The following PARD6G variants were observed in gnomAD, a reference collection of about 807,000 sequenced individuals.
PARD6G encodes partitioning defective 6 homolog gamma.
In PARD6G, 7 loss-of-function variants were observed where a neutral mutation model predicts 10.7. That is an observed-to-expected ratio of 0.66 (90% confidence interval 0.37 to 1.23). The LOEUF (loss-of-function observed/expected upper bound fraction) is 1.23, where lower values mean the gene tolerates loss of function less well. Among genes scored for constraint, PARD6G ranks in the 50% most tolerant of loss-of-function variants. The pLI, the probability that PARD6G is intolerant of heterozygous loss-of-function variation, is 0.02. For synonymous variants in PARD6G, 287 were observed against 269.4 expected, an observed-to-expected ratio of 1.07 and a Z score of -0.64; for missense variants, 548 against 571.8, an observed-to-expected ratio of 0.96 and a Z score of 0.42.
chr18:80,196,631 T>C (rs940240102), intron 2 of PARD6G, among the ~76,000 whole-genome samples: 1 of 152,190 alleles, frequency 6.6e-6, no homozygotes, highest in Non-Finnish European at 1.5e-5. Flanking sequence ...TCTGTTCCCA[T>C]TGGCTCAATT....
At chr18:80,198,462 T>C (rs190161150) in intron 2 of PARD6G, among the ~76,000 whole-genome samples, 1 of 152,350 alleles carries the variant, frequency 6.6e-6, no homozygotes, top group Admixed American at 6.5e-5. Flanking sequence ...CTGTAAATGA[T>C]ATTTAGGATA....
Position 80,175,060 on chromosome 18 carries a change from T to G in PARD6G, c.296-14454A>C, listed in dbSNP as rs1402327852. The stretch of plus-strand genomic sequence containing the variant: ...GCACCCAACAGAGGCCAGGCTGGGA[T>G]CAGAAGACTAAACAGACTGGAGAAA... On this transcript the variant is annotated intron_variant, in intron 2 of 2. Coordinates refer to ENST00000353265, the MANE Select transcript of PARD6G (RefSeq NM_032510.4). This position sits in a 1 kb window ranked among gnomAD's most constrained non-coding sequence, Gnocchi z 6.7. Among the ~76,000 whole-genome samples the G allele has an allele frequency of 1.3e-5, 2 of 152,146 alleles. No individual in the cohort carries two copies. Among genetic ancestry groups the G allele is most frequent in the Non-Finnish European group, 2.9e-5 (2 of 68,036 alleles).
chr18:80,216,890 G>T (rs1967173251), intron 1 of PARD6G, among the ~76,000 whole-genome samples: 1 of 151,846 alleles, frequency 6.6e-6, no homozygotes, highest in Non-Finnish European at 1.5e-5. Context: ...AATGAGAGAA[G>T]ATTCAAACTA....
chr18:80,214,452 C>A (rs1306794527), intron 1 of PARD6G, among the ~76,000 whole-genome samples: 2 of 151,412 alleles, frequency 1.3e-5, no homozygotes, highest in African/African-American at 4.9e-5. Context: ...GGAAACAGAG[C>A]GAGACTACAT....
intron 1 of PARD6G, among the ~76,000 whole-genome samples, chr18:80,224,635 C>T (rs1320943484): frequency 6.6e-6 from 1 of 152,190 alleles, no homozygotes; most frequent in African/African-American, 2.4e-5. Context: ...ATCACGAGGT[C>T]AGCAGTTCAA....
At chr18:80,216,660 A>C (rs545655040) in intron 1 of PARD6G, among the ~76,000 whole-genome samples, 1 of 152,158 alleles carries the variant, frequency 6.6e-6, no homozygotes, top group Non-Finnish European at 1.5e-5. Context: ...ACCTATATTT[A>C]AAAAGAAAGA....
At chr18:80,195,572 T>TAC (rs10539423) in intron 2 of PARD6G, among the ~76,000 whole-genome samples, 52 of 87,194 alleles carry the variant, frequency 6.0e-4, no homozygotes, top group East Asian at 3.6e-3. Context: ...TATATATATA[T>TAC]ACACACATTT....
At chr18:80,165,371 C>T (rs2052728730) in intron 2 of PARD6G, among the ~76,000 whole-genome samples, 1 of 152,124 alleles carries the variant, frequency 6.6e-6, no homozygotes. Context: ...TTTTGCCTGA[C>T]CCTGCAGACA....
intron 2 of PARD6G, among the ~76,000 whole-genome samples, chr18:80,174,782 G>A (rs896302989): frequency 2.1e-4 from 32 of 152,104 alleles, no homozygotes; most frequent in East Asian, 3.9e-4. Context: ...GTGAAACCCC[G>A]TCTCTACTAA....
At chr18:80,197,739 A>G (rs189904794) in intron 2 of PARD6G, 1 of 150,984 alleles carries the variant, frequency 6.6e-6, no homozygotes, top group Admixed American at 6.5e-5. Flanking sequence ...TCCTGCTAAA[A>G]ATAGAGATGC....
Sources: gnomAD v4.1 joint callset for allele counts (sites outside exome capture counted in the v4.1 genomes callset) on GRCh38, gnomAD v4.1.1 for gene constraint, Gnocchi (gnomAD v3.1) non-coding constraint, MANE v1.5 for transcripts, NCBI Gene and HGNC (gene_info 2026-07-23, HGNC 2026-07-21) for gene names.